The following DOCK9 variants were observed in gnomAD, a reference collection of about 807,000 sequenced individuals.
DOCK9 encodes the protein dedicator of cytokinesis 9.
In DOCK9, 89 loss-of-function variants were observed where a neutral mutation model predicts 263.3. The observed-to-expected ratio is 0.34, with a 90% CI of 0.28 to 0.40. The LOEUF (loss-of-function observed/expected upper bound fraction) is 0.40, where lower values mean the gene tolerates loss of function less well. Among genes scored for constraint, DOCK9 ranks in the 10% least tolerant of loss-of-function variants. The probability of loss-of-function intolerance (pLI) is 1.00; values close to 1 mark genes in which losing one functional copy is unlikely to be tolerated. For missense variants in DOCK9, 2,140 were observed against 2,603.4 expected, an observed-to-expected ratio of 0.82 and a Z score of 3.87; for synonymous variants, 976 against 973.1, an observed-to-expected ratio of 1.00 and a Z score of -0.06.
At chr13:99,019,820 G>T (rs1885862923) in intron 1 of DOCK9, among the ~76,000 whole-genome samples, 1 of 152,040 alleles carries the variant, frequency 6.6e-6, no homozygotes, top group African/African-American at 2.4e-5. Flanking sequence ...GGGTGGGGAG[G>T]CCAAGCACAG....
chr13:98,846,740 C>T, intron 37 of DOCK9: 1 of 379,398 alleles, frequency 2.6e-6, no homozygotes, highest in Non-Finnish European at 5.1e-6. Context: ...AGAACAGGGA[C>T]ATGCATGGAC....
At chr13:98,971,302 C>T (rs935763859) in intron 1 of DOCK9, among the ~76,000 whole-genome samples, 2 of 152,216 alleles carry the variant, frequency 1.3e-5, no homozygotes, top group Non-Finnish European at 2.9e-5. Flanking sequence ...GAGTAGAGCA[C>T]ACCTGCACAA....
chr13:98,826,918 TCATTCATAACAG>T (rs781205975), intron 43 of DOCK9, 31 bp from the exon 44 acceptor site: 2 of 1,573,878 alleles, frequency 1.3e-6, no homozygotes, highest in Non-Finnish European at 1.7e-6. Flanking sequence ...CTCAGAATCA[TCATTCATAACAG>T]CAAGTCATAA....
intron 7 of DOCK9, among the ~76,000 whole-genome samples, chr13:98,919,288 T>C (rs914685846): frequency 2.0e-5 from 3 of 152,138 alleles, no homozygotes; most frequent in African/African-American, 7.2e-5. Flanking sequence ...TTTTGTATTT[T>C]TAGTAGAGAC....
intron 33 of DOCK9, chr13:98,859,751 G>GTATATATATATATATATATATA (rs544974823): frequency 1.4e-5 from 2 of 139,382 alleles, no homozygotes; most frequent in South Asian, 2.4e-4. Flanking sequence ...GTGTGTGTGT[G>GTATATATATATATATATATATA]TGTATATATA....
Position 98,860,469 on chromosome 13 carries a change from C to G in DOCK9, c.3633G>C (p.Pro1211=), listed in dbSNP as rs76695968. The G allele has an allele frequency of 5.6e-3, 8,898 of 1,589,962 alleles. 49 individuals carry two copies. The highest frequency in any genetic ancestry group is 6.8e-3 in the Middle Eastern group (41 of 6,030). Reference sequence around the variant, plus strand: ...TGTTGTCCAGGGTGCTTCCCTTCTGCGGCGTCACCAGCGGATTCACAGCTG... The same window carrying G: ...TGTTGTCCAGGGTGCTTCCCTTCTGGGGCGTCACCAGCGGATTCACAGCTG... ...ALPAVNPLVT[P]QKGSTLDNSL... Residue 1211 remains proline (P), a synonymous_variant, in exon 33 of 53, where the codon CCG becomes CCC. Coordinates refer to ENST00000682017, the MANE Select transcript of DOCK9 (RefSeq NM_001366683.2).
intron 10 of DOCK9, among the ~76,000 whole-genome samples, chr13:98,904,244 C>T (rs2048755844): frequency 1.3e-5 from 2 of 152,172 alleles, no homozygotes; most frequent in Non-Finnish European, 1.5e-5. Flanking sequence ...AAGTACTTAT[C>T]GTTAGAGTTA....
intron 7 of DOCK9, among the ~76,000 whole-genome samples, chr13:98,916,936 T>A (rs2050981855): frequency 6.6e-6 from 1 of 152,222 alleles, no homozygotes; most frequent in Admixed American, 6.5e-5. Flanking sequence ...ACTAATTTTT[T>A]TATAATATCC....
At chr13:99,023,463 C>T (rs1196867787) in intron 1 of DOCK9, among the ~76,000 whole-genome samples, 5 of 152,136 alleles carry the variant, frequency 3.3e-5, no homozygotes, top group Admixed American at 6.5e-5. Context: ...ATGGTAGTTG[C>T]CAGGTGCTGG....
At chr13:99,050,017 A>AT (rs143177781) in intron 1 of DOCK9, among the ~76,000 whole-genome samples, 1 of 152,344 alleles carries the variant, frequency 6.6e-6, no homozygotes, top group Non-Finnish European at 1.5e-5. Flanking sequence ...GAAATATGAT[A>AT]TGTGAAAATA....
intron 3 of DOCK9, among the ~76,000 whole-genome samples, chr13:98,928,710 T>G (rs1427721657): frequency 1.3e-5 from 2 of 152,254 alleles, no homozygotes; most frequent in Non-Finnish European, 2.9e-5. Context: ...ATAGGCAATA[T>G]GTAAACAAAT....
At chr13:98,921,156 CACTTATG>C (rs1373419418) in intron 6 of DOCK9, 68 bp from the exon 7 acceptor site, 1 of 1,465,166 alleles carries the variant, frequency 6.8e-7, no homozygotes, top group Admixed American at 2.1e-5. Context: ...ATCAATAACC[CACTTATG>C]ACTACATACA....
chr13:98,974,592 A>C (rs946384954), intron 1 of DOCK9, among the ~76,000 whole-genome samples: 27 of 152,038 alleles, frequency 1.8e-4, no homozygotes, highest in African/African-American at 6.0e-4. Context: ...TCTACTAAAA[A>C]TACAAAAATT....
intron 9 of DOCK9, among the ~76,000 whole-genome samples, chr13:98,910,583 C>T (rs1018262303): frequency 1.3e-5 from 2 of 152,258 alleles, no homozygotes; most frequent in East Asian, 1.9e-4. Flanking sequence ...AACTTCCTGT[C>T]GGTCATATCC....
At chr13:98,859,159 T>C (rs1175614898) in intron 33 of DOCK9, 1 of 152,016 alleles carries the variant, frequency 6.6e-6, no homozygotes, top group Non-Finnish European at 1.5e-5. Flanking sequence ...CTAAGGAAGG[T>C]CCCCTCCCTG....
chr13:98,957,120 TGCAGCCAC>T (rs1180048613), intron 1 of DOCK9, among the ~76,000 whole-genome samples: 1 of 152,154 alleles, frequency 6.6e-6, no homozygotes, highest in Non-Finnish European at 1.5e-5. Context: ...TCCTTCCCTC[TGCAGCCAC>T]GCACACAGGA....
chr13:98,912,105 C>G (rs928732531), intron 9 of DOCK9, among the ~76,000 whole-genome samples: 1 of 152,016 alleles, frequency 6.6e-6, no homozygotes, highest in African/African-American at 2.4e-5. Flanking sequence ...CTCCTAACCT[C>G]AAAAGATCCG....
At chr13:98,907,780 C>T (rs1283133920) in intron 9 of DOCK9, among the ~76,000 whole-genome samples, 1 of 152,132 alleles carries the variant, frequency 6.6e-6, no homozygotes, top group Non-Finnish European at 1.5e-5. Flanking sequence ...GATGGAATTA[C>T]CAAGTAAAAT....
intron 1 of DOCK9, among the ~76,000 whole-genome samples, chr13:98,972,704 C>CT (rs2059862047): frequency 6.6e-6 from 1 of 152,172 alleles, no homozygotes; most frequent in Non-Finnish European, 1.5e-5. Context: ...ATGTTAGCTG[C>CT]TAAAAAATCT....
Sources: gnomAD v4.1 joint callset for allele counts (sites outside exome capture counted in the v4.1 genomes callset) on GRCh38, gnomAD v4.1.1 for gene constraint, MANE v1.5 for transcripts, NCBI Gene and HGNC (gene_info 2026-07-23, HGNC 2026-07-21) for gene names.